ZFPM1: variants seen among roughly 807,000 people sequenced by gnomAD.
ZFPM1 encodes zinc finger protein, FOG family member 1.
ZFPM1 carries 28 observed loss-of-function variants against 46.3 expected under a neutral mutation model. The observed-to-expected ratio is 0.60, with a 90% CI of 0.45 to 0.83. The LOEUF (loss-of-function observed/expected upper bound fraction) is 0.83, where lower values mean the gene tolerates loss of function less well. Ranked by LOEUF, ZFPM1 falls within the 40% of genes least tolerant of loss-of-function variation. The pLI is 0.00. For synonymous variants in ZFPM1, 957 were observed against 675.9 expected, an observed-to-expected ratio of 1.42 and a Z score of -6.45; for missense variants, 1,878 against 1,432.4, an observed-to-expected ratio of 1.31 and a Z score of -5.02.
At chr16:88,485,292 G>T (rs906169525) in intron 1 of ZFPM1, among the ~76,000 whole-genome samples, 1 of 152,184 alleles carries the variant, frequency 6.6e-6, no homozygotes, top group Non-Finnish European at 1.5e-5. Context: ...GTGGGAAAGA[G>T]ACACGGGGTC....
chr16:88,505,194 T>A (rs112733324), intron 3 of ZFPM1, among the ~76,000 whole-genome samples: 203 of 152,250 alleles, frequency 1.3e-3, no homozygotes, highest in Non-Finnish European at 1.9e-3. Flanking sequence ...ACGCAGCTGC[T>A]CTACAGTGGA....
chr16:88,514,241 G>C (rs2142431138), intron 3 of ZFPM1, 146 bp from the exon 4 acceptor site: 1 of 1,386,090 alleles, frequency 7.2e-7, no homozygotes, highest in Non-Finnish European at 9.6e-7. Flanking sequence ...CAGGCCCCTG[G>C]GACCCAGCAC....
intron 3 of ZFPM1, among the ~76,000 whole-genome samples, chr16:88,493,897 C>A (rs1417691706): frequency 6.6e-6 from 1 of 152,166 alleles, no homozygotes; most frequent in Non-Finnish European, 1.5e-5. Flanking sequence ...TCGAGCGCCA[C>A]GGCTTCAAAG....
chr16:88,533,748 G>A lies in ZFPM1; in HGVS notation c.1790G>A (p.Arg597His), dbSNP rs778319600. The change falls in exon 10 of 10, where the codon CGC becomes CAC. Residue 597 changes from arginine (R) to histidine (H), a missense_variant. Transcript: ENST00000319555. ...SNVNNYYVHK[R>H]LYCSGRRAPE... ...GTCAACAACTACTACGTGCACAAGC[G>A]CCTCTACTGTTCAGGCCGCCGTGCG... The A allele has an allele frequency of 7.4e-6, 11 of 1,492,074 alleles. No individual in the cohort carries two copies. Among genetic ancestry groups the A allele is most frequent in the Non-Finnish European group, 9.9e-6 (11 of 1,114,522 alleles). The allele number at this position is 1,492,074 out of a possible 1,614,324, so 92.4% of individuals were successfully genotyped here. A position where few individuals can be genotyped will look rare whatever the true frequency, so the allele number is the denominator to read the frequency against.
At chr16:88,521,041 AGGTGGATGGATGGATGGGAGGGTGGGTG>A (rs1255523564) in intron 4 of ZFPM1, among the ~76,000 whole-genome samples, 2 of 38,264 alleles carry the variant, frequency 5.2e-5, no homozygotes, top group East Asian at 7.2e-4. Context: ...GATGATGGAC[AGGTGGATGGATGGATGGGAGGGTGGGTG>A]GGTGGATGGA....
At chr16:88,452,050 C>T (rs1189958204), upstream of ZFPM1, among the ~76,000 whole-genome samples, 1 of 152,142 alleles carries the variant, frequency 6.6e-6, no homozygotes, top group African/African-American at 2.4e-5. Flanking sequence ...GACAGTCCTG[C>T]TGTGCGATGA....
intron 2 of ZFPM1, among the ~76,000 whole-genome samples, chr16:88,487,619 G>A (rs145762222): frequency 1.1e-4 from 16 of 152,266 alleles, no homozygotes; most frequent in East Asian, 3.9e-4. Flanking sequence ...GCTTGGGAGC[G>A]GGATTTCTCA....
chr16:88,500,287 T>C (rs1910178716), intron 3 of ZFPM1, among the ~76,000 whole-genome samples: 1 of 152,182 alleles, frequency 6.6e-6, no homozygotes, highest in Non-Finnish European at 1.5e-5. Flanking sequence ...GCCTGCCGCA[T>C]GGCCGGGGAC....
rs191407009 is a variant in ZFPM1, at chr16:88,467,808, C to T, written c.40+14130C>T. ...GGAGGTGGGGGTGGGGTGTTTTCTA[C>T]TCTACCACCCTACAACGAAAAAGAA... On this transcript the variant is annotated intron_variant, in intron 1 of 9. Coordinates refer to ENST00000319555, the MANE Select transcript of ZFPM1 (RefSeq NM_153813.3). 2.5e-3 allele frequency among the ~76,000 whole-genome samples: 377 copies of T among 152,224 alleles called. 2 individuals are homozygous for T. The highest frequency in any genetic ancestry group is 8.8e-3 in the African/African-American group (364 of 41,536).
chr16:88,455,812 T>C (rs1042726191), intron 1 of ZFPM1, among the ~76,000 whole-genome samples: 5 of 152,030 alleles, frequency 3.3e-5, no homozygotes, highest in Admixed American at 6.5e-5. Context: ...AGCGCGGCCT[T>C]GGCCGGCCAG....
chr16:88,527,121 C>T (rs976812355), intron 5 of ZFPM1, among the ~76,000 whole-genome samples: 1 of 152,172 alleles, frequency 6.6e-6, no homozygotes, highest in Admixed American at 6.5e-5. Context: ...TATGAGGGTC[C>T]CGACTGGCAG....
chr16:88,509,886 G>C (rs1011665094), intron 3 of ZFPM1, among the ~76,000 whole-genome samples: 1 of 152,130 alleles, frequency 6.6e-6, no homozygotes, highest in Non-Finnish European at 1.5e-5. Flanking sequence ...GCGTCACGGA[G>C]GGGGCCACGG....
At chr16:88,506,383 G>GA (rs1910660686) in intron 3 of ZFPM1, among the ~76,000 whole-genome samples, 1 of 152,164 alleles carries the variant, frequency 6.6e-6, no homozygotes, top group Admixed American at 6.5e-5. Flanking sequence ...GCGCTGGGGG[G>GA]CCTTAGGCAG....
At chr16:88,462,884 C>G (rs185703571) in intron 1 of ZFPM1, among the ~76,000 whole-genome samples, 1 of 143,908 alleles carries the variant, frequency 6.9e-6, no homozygotes, top group Non-Finnish European at 1.6e-5. Context: ...CTGTGAGGAG[C>G]GATGCCACCC....
rs1248048990 is a variant in ZFPM1, at chr16:88,471,583, G to T, written c.41-14356G>T. Among the ~76,000 whole-genome samples, 1 of 151,834 alleles carries T rather than the reference G, an allele frequency of 6.6e-6. No individual in the cohort carries two copies. The highest frequency in any genetic ancestry group is 1.5e-5 in the Non-Finnish European group (1 of 67,918). Reference sequence around the variant, plus strand: ...GTGGCTCCTGCTCACAGTGGGGGACGCCAGGACCCCGAGATGATCGTGGCT... The same window carrying T: ...GTGGCTCCTGCTCACAGTGGGGGACTCCAGGACCCCGAGATGATCGTGGCT... On this transcript the variant is annotated intron_variant, in intron 1 of 9. Transcript: ENST00000319555. This position sits in a 1 kb window ranked among gnomAD's most constrained non-coding sequence, Gnocchi z 4.1.
At chr16:88,478,482 T>C (rs1157141486) in intron 1 of ZFPM1, among the ~76,000 whole-genome samples, 1 of 152,260 alleles carries the variant, frequency 6.6e-6, no homozygotes, top group Non-Finnish European at 1.5e-5. Flanking sequence ...GTTCTTTCTT[T>C]AGCACCTGGT....
In ZFPM1 at chr16:88,534,301, C is replaced by A; in HGVS notation, c.2343C>A (p.Leu781=). 1 of 1,255,234 alleles carries A rather than the reference C, an allele frequency of 8.0e-7. No individual in the cohort carries two copies. The highest frequency in any genetic ancestry group is 1.0e-6 in the Non-Finnish European group (1 of 1,001,248). The allele number at this position is 1,255,234 out of a possible 1,614,324, so 77.8% of individuals were successfully genotyped here. ...GCGGAAGCGGAAGCGGCCCCGGCCT[C>A]GCCCCTGCGCGCTCGCCCGGCCCCG... is the stretch of plus-strand genomic sequence containing the variant. ...PGSGSGSGPG[L]APARSPGPAA... is the part of the protein sequence containing the mutation. Residue 781 remains leucine, a synonymous_variant, in exon 10 of 10, where the codon CTC becomes CTA. Transcript: ENST00000319555.
At position 88,489,045 on chromosome 16, in the gene ZFPM1, C is replaced by T; in HGVS notation, c.160C>T (p.Pro54Ser). 1.2e-6 allele frequency: 2 copies of T among 1,612,864 alleles called. No homozygotes were observed. The highest frequency in any genetic ancestry group is 1.1e-5 in the South Asian group (1 of 91,056). The stretch of plus-strand genomic sequence containing the variant: ...CCTCTCTGCAGATGTTAACTCACCC[C>T]CACCGCTGCCGCCCCCCACATCCCC... ...SPPSADVNSP[P>S]PLPPPTSPGG... The change falls in exon 3 of 10, where the codon CCA (proline) becomes TCA (serine). Residue 54 changes from proline to serine, a missense_variant. Physicochemically the swap from Pro to Ser is moderately conservative, Grantham distance 74. Coordinates refer to ENST00000319555, the MANE Select transcript of ZFPM1 (RefSeq NM_153813.3).
At chr16:88,473,330 C>T (rs1184265617) in intron 1 of ZFPM1, among the ~76,000 whole-genome samples, 1 of 152,136 alleles carries the variant, frequency 6.6e-6, no homozygotes, top group Non-Finnish European at 1.5e-5. Context: ...AGCCTGGAGT[C>T]TCCTGGGCTT....
Sources: allele counts gnomAD v4.1 joint callset (sites outside exome capture counted in the v4.1 genomes callset), GRCh38; gene constraint gnomAD v4.1.1; non-coding constraint Gnocchi (gnomAD v3.1); transcripts MANE v1.5; gene names NCBI Gene and HGNC (gene_info 2026-07-23, HGNC 2026-07-21).